The following PLCB1 variants were observed in gnomAD, a reference collection of about 807,000 sequenced individuals.
PLCB1 encodes the protein 1-phosphatidylinositol 4,5-bisphosphate phosphodiesterase beta-1.
A neutral mutation model predicts 161.8 loss-of-function variants in PLCB1; 46 were observed. The ratio of observed to expected loss-of-function variants is 0.28; its 90% CI spans 0.22 to 0.36. PLCB1 has a LOEUF of 0.36. PLCB1 is among the 10% of genes least tolerant of loss of function. PLCB1 has a pLI of 1.00. For missense variants in PLCB1, 1,016 were observed against 1,472.5 expected (o/e 0.69, Z 5.07); for synonymous variants, 517 against 503.7 (o/e 1.03, Z -0.35).
intron 2 of PLCB1, among the ~76,000 whole-genome samples, chr20:8,215,264 G>A (rs759202606): frequency 2.0e-5 from 3 of 151,802 alleles, no homozygotes; most frequent in East Asian, 1.9e-4. Flanking sequence ...CTTAAATTTC[G>A]GAATCGATTT....
intron 3 of PLCB1, among the ~76,000 whole-genome samples, chr20:8,571,118 G>A (rs894729984): frequency 6.6e-6 from 1 of 152,206 alleles, no homozygotes; most frequent in African/African-American, 2.4e-5. Flanking sequence ...CATGCAAAGA[G>A]CAAGGAGACT....
intron 1 of PLCB1, among the ~76,000 whole-genome samples, chr20:8,147,915 C>A (rs960149964): frequency 6.7e-6 from 1 of 150,320 alleles, no homozygotes; most frequent in Non-Finnish European, 1.5e-5. Flanking sequence ...CTCTGTCACC[C>A]AGGCTGGAGT....
At chr20:8,528,060 C>A (rs1337668943) in intron 3 of PLCB1, among the ~76,000 whole-genome samples, 1 of 152,022 alleles carries the variant, frequency 6.6e-6, no homozygotes. Flanking sequence ...GATGATGCAT[C>A]AATTCCAAAA....
chr20:8,571,926 C>T (rs1986533831), intron 3 of PLCB1, among the ~76,000 whole-genome samples: 1 of 151,992 alleles, frequency 6.6e-6, no homozygotes, highest in East Asian at 1.9e-4. Flanking sequence ...GGGGGAAGTG[C>T]CAATAAAGAT....
At chr20:8,651,859 A>G (rs1255398416) in intron 7 of PLCB1, 1 of 218,498 alleles carries the variant, frequency 4.6e-6, no homozygotes, top group Non-Finnish European at 9.0e-6. Context: ...ACTGGATTTA[A>G]GCAACTGAGA....
intron 4 of PLCB1, among the ~76,000 whole-genome samples, chr20:8,630,989 C>T (rs1359018837): frequency 6.6e-6 from 1 of 152,084 alleles, no homozygotes; most frequent in African/African-American, 2.4e-5. Context: ...CTTGATGTTC[C>T]CAGTATAATT....
intron 31 of PLCB1, among the ~76,000 whole-genome samples, chr20:8,809,921 C>G (rs1415567758): frequency 6.6e-6 from 1 of 152,142 alleles, no homozygotes; most frequent in Admixed American, 6.5e-5. Flanking sequence ...ATTGCCTCAG[C>G]TGTAACGTAA....
intron 19 of PLCB1, among the ~76,000 whole-genome samples, chr20:8,735,950 G>A (rs1980558183): frequency 6.6e-6 from 1 of 152,140 alleles, no homozygotes; most frequent in Admixed American, 6.5e-5. Context: ...ACTTTACTCA[G>A]CCTTTGATAG....
At chr20:8,701,918 A>G (rs899680789) in intron 11 of PLCB1, among the ~76,000 whole-genome samples, 3 of 152,216 alleles carry the variant, frequency 2.0e-5, no homozygotes, top group Non-Finnish European at 2.9e-5. Flanking sequence ...TGCCCTGAAC[A>G]TTTGGGCCAG....
chr20:8,212,308 A>G (rs1978867956), intron 2 of PLCB1, among the ~76,000 whole-genome samples: 1 of 152,136 alleles, frequency 6.6e-6, no homozygotes, highest in Non-Finnish European at 1.5e-5. Flanking sequence ...TAAGTCTAGA[A>G]CAGCATTTGA....
intron 9 of PLCB1, among the ~76,000 whole-genome samples, chr20:8,681,105 T>TAAA (rs1555782795): frequency 1.5e-5 from 2 of 132,212 alleles, no homozygotes; most frequent in African/African-American, 5.8e-5. Context: ...TATATATATA[T>TAAA]ATATATATAT....
chr20:8,674,471 A>G (rs1990027390), intron 9 of PLCB1, among the ~76,000 whole-genome samples: 1 of 152,162 alleles, frequency 6.6e-6, no homozygotes, highest in African/African-American at 2.4e-5. Context: ...GTAGCGCTGC[A>G]TTACCTCATT....
At chr20:8,484,574 C>T (rs557061383) in intron 3 of PLCB1, among the ~76,000 whole-genome samples, 3 of 151,974 alleles carry the variant, frequency 2.0e-5, no homozygotes, top group African/African-American at 7.3e-5. Flanking sequence ...GTTGGTCAGG[C>T]TGTTCTCGAA....
intron 2 of PLCB1, among the ~76,000 whole-genome samples, chr20:8,252,849 T>C (rs1230096806): frequency 1.3e-5 from 2 of 152,010 alleles, no homozygotes; most frequent in Admixed American, 6.6e-5. Flanking sequence ...ATCAGTTCAA[T>C]AGGCTTGAGT....
rs1600220842 is a variant in PLCB1, at chr20:8,644,147, A to T, written c.385-1955A>T. 2.0e-5 allele frequency among the ~76,000 whole-genome samples: 3 copies of T among 152,266 alleles called. No homozygotes were observed. In the South Asian group the frequency reaches 6.2e-4, roughly 32 times the overall value. ...AGTGGCGTGATCTCGGCTCGCTACA[A>T]CATCCACCTCCCAGCCGCCTGCCTT... is the stretch of plus-strand genomic sequence containing the variant. On this transcript the variant is annotated intron_variant, in intron 4 of 31. Coordinates refer to ENST00000338037, the MANE Select transcript of PLCB1 (RefSeq NM_015192.4).
chr20:8,501,085 C>T (rs151246857), intron 3 of PLCB1, among the ~76,000 whole-genome samples: 222 of 152,266 alleles, frequency 1.5e-3, no homozygotes, highest in African/African-American at 5.0e-3. Context: ...CATCATTTTT[C>T]GTTCTCATGC....
In PLCB1 at chr20:8,733,785, A is replaced by ATAG. The variant is rs200740991; in HGVS notation, c.2043+395_2043+396insGTA. On this transcript the variant is annotated intron_variant, in intron 19 of 31. Coordinates refer to ENST00000338037, the MANE Select transcript of PLCB1 (RefSeq NM_015192.4). Reference sequence around the variant, plus strand: ...GCGCATGTACCCTAAAACTTAAAGTATAATAATAATAATAATAATAATAAT... The same window carrying ATAG: ...GCGCATGTACCCTAAAACTTAAAGTATAGTAATAATAATAATAATAATAATAAT... 1.4e-3 allele frequency among the ~76,000 whole-genome samples: 6 copies of ATAG among 4,302 alleles called. No individual in the cohort carries two copies. In the South Asian group the frequency reaches 0.046, roughly 33 times the overall value. The allele number at this position is 4,302 out of a possible 152,430, so 2.8% of individuals were successfully genotyped here.
At chr20:8,725,389 A>G (rs1979881360) in intron 16 of PLCB1, among the ~76,000 whole-genome samples, 1 of 152,124 alleles carries the variant, frequency 6.6e-6, no homozygotes, top group Non-Finnish European at 1.5e-5. Context: ...AGATGCTATC[A>G]GATTAAGGGA....
intron 2 of PLCB1, among the ~76,000 whole-genome samples, chr20:8,211,676 A>G (rs1013583286): frequency 1.3e-5 from 2 of 152,072 alleles, no homozygotes; most frequent in Non-Finnish European, 2.9e-5. Context: ...AGTTGCCGAG[A>G]TTCCTTAAAT....
Sources: allele counts gnomAD v4.1 joint callset (sites outside exome capture counted in the v4.1 genomes callset), GRCh38; gene constraint gnomAD v4.1.1; transcripts MANE v1.5; gene names NCBI Gene and HGNC (gene_info 2026-07-23, HGNC 2026-07-21).